The following RAP1GDS1 variants were observed in gnomAD, a reference collection of about 807,000 sequenced individuals.
RAP1GDS1 encodes the protein RAP1, GTP-GDP dissociation stimulator 1.
A neutral mutation model predicts 71.1 loss-of-function variants in RAP1GDS1; 35 were observed. The ratio of observed to expected loss-of-function variants is 0.49; its 90% confidence interval spans 0.38 to 0.65. The LOEUF (loss-of-function observed/expected upper bound fraction) is 0.65. Among genes scored for constraint, RAP1GDS1 ranks in the 30% least tolerant of loss-of-function variants. The pLI, the probability that RAP1GDS1 is intolerant of heterozygous loss-of-function variation, is 0.00. For synonymous variants in RAP1GDS1, 229 were observed against 243.1 expected, an observed-to-expected ratio of 0.94 and a Z score of 0.54; for missense variants, 663 against 706.1, an observed-to-expected ratio of 0.94 and a Z score of 0.69.
intron 1 of RAP1GDS1, among the ~76,000 whole-genome samples, chr4:98,282,353 C>A (rs1468785983): frequency 2.6e-5 from 4 of 152,054 alleles, no homozygotes; most frequent in African/African-American, 9.7e-5. Context: ...TGTATGTGTC[C>A]AGGAATTTAT....
intron 7 of RAP1GDS1, among the ~76,000 whole-genome samples, chr4:98,413,096 T>A (rs1252427093): frequency 6.6e-6 from 1 of 152,154 alleles, no homozygotes. Flanking sequence ...CTAATAAGCC[T>A]GAGGGTACTG....
intron 2 of RAP1GDS1, among the ~76,000 whole-genome samples, chr4:98,342,748 A>G (rs1312122581): frequency 6.6e-6 from 1 of 152,176 alleles, no homozygotes; most frequent in Admixed American, 6.5e-5. Context: ...ATGGCATTAT[A>G]GGGAACCATA....
At position 98,309,802 on chromosome 4, in the gene RAP1GDS1, C is replaced by A. The variant is rs146145466; in HGVS notation, c.112+16287C>A. Among the ~76,000 whole-genome samples the A allele has an allele frequency of 2.6e-4, 40 of 151,830 alleles. No individual in the cohort carries two copies. In the East Asian group the frequency reaches 7.5e-3, roughly 29 times the overall value. ...ATGGTCATTTTATTCTCTCTTAAAT[C>A]TCTAATAATTGAAGAAATGTGAATA... is the stretch of plus-strand genomic sequence containing the variant. On this transcript the variant is annotated intron_variant, in intron 2 of 14. Coordinates refer to ENST00000408927, the MANE Select transcript of RAP1GDS1 (RefSeq NM_001100427.2).
intron 12 of RAP1GDS1, among the ~76,000 whole-genome samples, chr4:98,425,798 C>A (rs865979412): frequency 3.3e-5 from 5 of 152,112 alleles, no homozygotes; most frequent in African/African-American, 1.2e-4. Context: ...ACTCCACTGA[C>A]AGCATTAAAG....
intron 2 of RAP1GDS1, among the ~76,000 whole-genome samples, chr4:98,304,039 C>CT (rs1728956260): frequency 6.6e-6 from 1 of 152,206 alleles, no homozygotes; most frequent in South Asian, 2.1e-4. Context: ...GATCTAATTC[C>CT]TTTTTATGGC....
chr4:98,374,542 T>G (rs1740876508), intron 4 of RAP1GDS1, among the ~76,000 whole-genome samples: 1 of 152,192 alleles, frequency 6.6e-6, no homozygotes, highest in Non-Finnish European at 1.5e-5. Context: ...GCATCTCAAC[T>G]TTTTATTGCA....
At chr4:98,306,824 T>C (rs906788985) in intron 2 of RAP1GDS1, among the ~76,000 whole-genome samples, 1 of 152,162 alleles carries the variant, frequency 6.6e-6, no homozygotes, top group Non-Finnish European at 1.5e-5. Flanking sequence ...AAGTGGGTTC[T>C]ATTCGCTCTA....
intron 2 of RAP1GDS1, among the ~76,000 whole-genome samples, chr4:98,330,969 C>T (rs1733918286): frequency 2.6e-5 from 4 of 152,234 alleles, no homozygotes; most frequent in Admixed American, 1.3e-4. Context: ...GAGGTTGTAG[C>T]GAGCCGAGAT....
In RAP1GDS1 at chr4:98,281,265, T is replaced by G. The variant is rs57375402; in HGVS notation, c.5-12143T>G. Among the ~76,000 whole-genome samples, 582 of 152,318 alleles carry G rather than the reference T, an allele frequency of 3.8e-3. 5 individuals carry two copies. The highest frequency in any genetic ancestry group is 0.013 in the African/African-American group (553 of 41,574). The stretch of plus-strand genomic sequence containing the variant: ...ATGAGCATAGAATGTTCTTCCATTT[T>G]TTTGTGTCCTCTTTTATTTTGTTGA... On this transcript the variant is annotated intron_variant, in intron 1 of 14. Transcript: ENST00000408927.
intron 2 of RAP1GDS1, among the ~76,000 whole-genome samples, chr4:98,329,045 G>A (rs779158957): frequency 3.3e-5 from 5 of 152,144 alleles, no homozygotes; most frequent in South Asian, 4.1e-4. Flanking sequence ...ACCAAGCATC[G>A]TATGCACATT....
intron 2 of RAP1GDS1, among the ~76,000 whole-genome samples, chr4:98,337,652 A>G (rs1734894784): frequency 6.6e-6 from 1 of 152,228 alleles, no homozygotes; most frequent in Non-Finnish European, 1.5e-5. Context: ...GTCAGATAAC[A>G]TTAAAAAGAT....
At chr4:98,358,960 A>G (rs999094167) in intron 4 of RAP1GDS1, among the ~76,000 whole-genome samples, 2 of 151,924 alleles carry the variant, frequency 1.3e-5, no homozygotes, top group African/African-American at 4.8e-5. Flanking sequence ...AACCTCACCT[A>G]TCCAGAAAGC....
At chr4:98,270,839 A>G (rs1444817662) in intron 1 of RAP1GDS1, among the ~76,000 whole-genome samples, 1 of 151,842 alleles carries the variant, frequency 6.6e-6, no homozygotes, top group Admixed American at 6.6e-5. Context: ...TTCTCAGCCT[A>G]CTCAAGAGTG....
rs146466840 is a variant in RAP1GDS1, at chr4:98,278,950, C to T, written c.5-14458C>T. 7.5e-3 allele frequency among the ~76,000 whole-genome samples: 1,143 copies of T among 152,068 alleles called. 8 individuals carry two copies. Among genetic ancestry groups the T allele is most frequent in the African/African-American group, 0.022 (907 of 41,492 alleles). On this transcript the variant is annotated intron_variant, in intron 1 of 14. Transcript: ENST00000408927. ...AATAATAGGGCCACTAGGCCGGGCG[C>T]GGTGGCTCACGCCTGTAATCCCAGC...
intron 12 of RAP1GDS1, 65 bp downstream of exon 12, chr4:98,421,459 G>A (rs1748844246): frequency 7.0e-7 from 1 of 1,429,444 alleles, no homozygotes; most frequent in Non-Finnish European, 9.3e-7. Context: ...ACCCAGCATT[G>A]TAGGTCCTAA....
intron 13 of RAP1GDS1, among the ~76,000 whole-genome samples, chr4:98,436,539 A>T (rs938049311): frequency 2.2e-4 from 34 of 152,286 alleles, no homozygotes; most frequent in African/African-American, 6.3e-4. Context: ...TATGTGATTT[A>T]TAGGATTTGC....
chr4:98,293,386 A>AT (rs377400040), intron 1 of RAP1GDS1, 22 bp from the exon 2 acceptor site: 33,041 of 1,080,918 alleles, frequency 0.031, no homozygotes, highest in Non-Finnish European at 0.033. Context: ...TGAGTTTCTG[A>AT]TTTTTTTTTT....
chr4:98,321,317 G>A (rs1457847432), intron 2 of RAP1GDS1, among the ~76,000 whole-genome samples: 13 of 149,236 alleles, frequency 8.7e-5, no homozygotes, highest in African/African-American at 2.5e-4. Context: ...AAAGTGAGGC[G>A]GAGAATGGAA....
chr4:98,383,913 A>G (rs1742362850), intron 5 of RAP1GDS1, among the ~76,000 whole-genome samples: 1 of 151,560 alleles, frequency 6.6e-6, no homozygotes, highest in African/African-American at 2.4e-5. Context: ...AGATGTTTAG[A>G]AAAATGATTT....
Sources: gnomAD v4.1 joint callset for allele counts (sites outside exome capture counted in the v4.1 genomes callset) on GRCh38, gnomAD v4.1.1 for gene constraint, MANE v1.5 for transcripts, NCBI Gene and HGNC (gene_info 2026-07-23, HGNC 2026-07-21) for gene names.